PCDHGA5: variants seen among roughly 807,000 people sequenced by gnomAD.
PCDHGA5 encodes protocadherin gamma-A5.
In PCDHGA5, 36 loss-of-function variants were observed where a neutral mutation model predicts 56.7. That is an observed-to-expected ratio of 0.64 (90% CI 0.49 to 0.84). PCDHGA5 has a LOEUF of 0.84. Ranked by LOEUF, PCDHGA5 falls within the 40% of genes least tolerant of loss-of-function variation. The pLI is 0.00. For synonymous variants in PCDHGA5, 563 were observed against 520.2 expected, an observed-to-expected ratio of 1.08 and a Z score of -1.12; for missense variants, 1,305 against 1,201.5, an observed-to-expected ratio of 1.09 and a Z score of -1.27.
chr5:141,498,230 C>T (rs2099782452), intron 2 of PCDHGA5, among the ~76,000 whole-genome samples: 1 of 152,200 alleles, frequency 6.6e-6, no homozygotes, highest in African/African-American at 2.4e-5. Flanking sequence ...GATGGTCAGG[C>T]ATACCAGCTT....
At position 141,408,387 on chromosome 5, in the gene PCDHGA5, C is replaced by T. The variant is rs774250271; in HGVS notation, c.2421+41636C>T. Reference sequence around the variant, plus strand: ...CTAGGGCTCAGTGTCCTGGATGTGTCGGCTCGCAAGCTGCGAGTGAGCGCG... The same window carrying T: ...CTAGGGCTCAGTGTCCTGGATGTGTTGGCTCGCAAGCTGCGAGTGAGCGCG... On this transcript the variant is annotated intron_variant, in intron 1 of 3. Transcript: ENST00000518069. 1.2e-5 allele frequency: 20 copies of T among 1,613,890 alleles called. No homozygotes were observed. Among genetic ancestry groups the T allele is most frequent in the Non-Finnish European group, 1.6e-5 (19 of 1,179,880 alleles).
At chr5:141,422,984 G>T in intron 1 of PCDHGA5, 2 of 1,614,230 alleles carry the variant, frequency 1.2e-6, no homozygotes, top group Non-Finnish European at 1.7e-6. Flanking sequence ...GCGGAACCTG[G>T]CTACCTGGTG....
rs750827454 is a variant in PCDHGA5, at chr5:141,394,736, C to T, written c.2421+27985C>T. The stretch of plus-strand genomic sequence containing the variant: ...TGGACAGAGATGCGCTCAAGCAGAG[C>T]CTCGTGGTGGCCGTCCAGGACCATG... On this transcript the variant is annotated intron_variant, in intron 1 of 3. Transcript: ENST00000518069. 13 of 1,613,338 alleles carry T rather than the reference C, an allele frequency of 8.1e-6. No homozygotes were observed. The African/African-American group carries it at 1.5e-4, about 18-fold the overall frequency.
rs535871341 is a variant in PCDHGA5 at position 141,382,152 on chromosome 5, A to G, written c.2421+15401A>G. Among the ~76,000 whole-genome samples, 62 of 152,216 alleles carry G rather than the reference A, an allele frequency of 4.1e-4. 1 individual carries two copies. Among genetic ancestry groups the G allele is most frequent in the African/African-American group, 1.4e-3 (59 of 41,532 alleles). The stretch of plus-strand genomic sequence containing the variant: ...CCCCCCTCTCATTTTTTAAACGGTT[A>G]AAATGAAGGTGTTAGACCGTCTCTA... On this transcript the variant is annotated intron_variant, in intron 1 of 3. Transcript: ENST00000518069.
chr5:141,439,176 T>C (rs1044289122), intron 1 of PCDHGA5, among the ~76,000 whole-genome samples: 3 of 146,068 alleles, frequency 2.1e-5, no homozygotes, highest in African/African-American at 7.8e-5. Context: ...CTGGGCGACA[T>C]AGTGAGACTC....
At chr5:141,367,247 T>C (rs1765012558) in intron 1 of PCDHGA5, 1 of 153,262 alleles carries the variant, frequency 6.5e-6, no homozygotes, top group South Asian at 2.0e-4. Context: ...GTCATAAATA[T>C]CAGAAAAGAG....
chr5:141,368,191 A>G (rs1765525656), intron 1 of PCDHGA5, among the ~76,000 whole-genome samples: 1 of 152,206 alleles, frequency 6.6e-6, no homozygotes, highest in Admixed American at 6.5e-5. Flanking sequence ...AAATAAGGGG[A>G]AAAGGTAATA....
At chr5:141,409,519 C>T in intron 1 of PCDHGA5, 1 of 1,614,040 alleles carries the variant, frequency 6.2e-7, no homozygotes, top group Non-Finnish European at 8.5e-7. Context: ...GAAGCATCAC[C>T]TTGTATGTCG....
intron 1 of PCDHGA5, among the ~76,000 whole-genome samples, chr5:141,436,613 A>C (rs1334315821): frequency 1.3e-5 from 2 of 152,206 alleles, no homozygotes; most frequent in Non-Finnish European, 2.9e-5. Flanking sequence ...AGGGCTAACA[A>C]AAATCTGATT....
intron 1 of PCDHGA5, chr5:141,422,513 G>A (rs765955739): frequency 6.2e-7 from 1 of 1,614,000 alleles, no homozygotes. Context: ...ACAGACCAGG[G>A]AAGCCCGCCT....
chr5:141,467,203 C>T (rs896621746), intron 1 of PCDHGA5, among the ~76,000 whole-genome samples: 1 of 152,052 alleles, frequency 6.6e-6, no homozygotes, highest in African/African-American at 2.4e-5. Flanking sequence ...CAGGCACATG[C>T]CACCATGCCT....
chr5:141,380,851 A>G (rs1341551183), intron 1 of PCDHGA5, among the ~76,000 whole-genome samples: 1 of 152,282 alleles, frequency 6.6e-6, no homozygotes, highest in Admixed American at 6.5e-5. Flanking sequence ...ATGGATCAAG[A>G]CATTGAGAGC....
Position 141,366,249 on chromosome 5 carries a change from A to G in PCDHGA5, c.1919A>G (p.Gln640Arg), listed in dbSNP as rs1307246069. 1 of 1,613,634 alleles carries G rather than the reference A, an allele frequency of 6.2e-7. No homozygotes were observed. Among genetic ancestry groups the G allele is most frequent in the Non-Finnish European group, 8.5e-7 (1 of 1,180,040 alleles). ...CTGCTGGACAGAGACGCGCTCAAGC[A>G]GAGCCTCGTGGTGGCCGTCGAAGAC... ...RALLDRDALK[Q>R]SLVVAVEDHG... Residue 640 changes from glutamine (Q) to arginine (R), a missense_variant, in exon 1 of 4, where the codon CAG (glutamine) becomes CGG (arginine). By Grantham distance (43) the Gln-to-Arg change is conservative. Coordinates refer to ENST00000518069, the MANE Select transcript of PCDHGA5 (RefSeq NM_018918.3).
Position 141,489,242 on chromosome 5 carries a change from T to C in PCDHGA5, c.2422-5565T>C. ...TCTCCACAAAGGGACTTCTGGGTCA[T>C]GGGGCCCAAGACACTCCCACAGCTC... On this transcript the variant is annotated intron_variant, in intron 1 of 3. Transcript: ENST00000518069. This position sits in a 1 kb window ranked among gnomAD's most constrained non-coding sequence, Gnocchi z 4.5. 6.5e-7 allele frequency: 1 copy of C among 1,534,502 alleles called. No individual in the cohort carries two copies. The highest frequency in any genetic ancestry group is 8.8e-7 in the Non-Finnish European group (1 of 1,141,994).
chr5:141,415,249 G>A (rs756443082), intron 1 of PCDHGA5: 1 of 1,614,204 alleles, frequency 6.2e-7, no homozygotes, highest in South Asian at 1.1e-5. Context: ...TGAAACCTCA[G>A]ACCTCACTCT....
chr5:141,470,627 G>A (rs977900352), intron 1 of PCDHGA5, among the ~76,000 whole-genome samples: 3 of 152,154 alleles, frequency 2.0e-5, no homozygotes, highest in Non-Finnish European at 2.9e-5. Flanking sequence ...TGCTTAGATA[G>A]GCCCCCTTGC....
intron 1 of PCDHGA5, chr5:141,410,620 G>T (rs765125633): frequency 6.2e-7 from 1 of 1,603,524 alleles, no homozygotes. Flanking sequence ...CTCTGACTTC[G>T]GTGAGTTTCT....
intron 1 of PCDHGA5, chr5:141,427,831 G>A (rs2097077070): frequency 6.5e-7 from 1 of 1,539,366 alleles, no homozygotes; most frequent in East Asian, 2.2e-5. Context: ...GTCGCGCAGC[G>A]TGCCTTCGAC....
chr5:141,447,742 T>G (rs1440015460), intron 1 of PCDHGA5, among the ~76,000 whole-genome samples: 3 of 152,056 alleles, frequency 2.0e-5, no homozygotes, highest in Non-Finnish European at 4.4e-5. Flanking sequence ...AACTTAAGAG[T>G]CTTGCATGTG....
Sources: allele counts gnomAD v4.1 joint callset (sites outside exome capture counted in the v4.1 genomes callset), GRCh38; gene constraint gnomAD v4.1.1; non-coding constraint Gnocchi (gnomAD v3.1); transcripts MANE v1.5; gene names NCBI Gene and HGNC (gene_info 2026-07-23, HGNC 2026-07-21).